NCSTN: variants seen among roughly 807,000 people sequenced by gnomAD.
The protein encoded by NCSTN is anterior pharynx-defective 2.
Under a neutral mutation model 87.0 loss-of-function variants are expected in NCSTN, and 22 were observed. The observed-to-expected ratio is 0.25, with a 90% CI of 0.18 to 0.36. NCSTN has a LOEUF of 0.36. NCSTN is among the 10% of genes least tolerant of loss of function. The pLI is 1.00. For synonymous variants in NCSTN, 306 were observed against 327.1 expected (o/e 0.94, Z 0.69); for missense variants, 693 against 883.3 (o/e 0.78, Z 2.73).
Position 160,349,625 on chromosome 1 carries a change from G to A in NCSTN, c.391G>A (p.Ala131Thr). The A allele has an allele frequency of 1.2e-6, 2 of 1,614,136 alleles. No individual in the cohort carries two copies. The highest frequency in any genetic ancestry group is 1.7e-4 in the Middle Eastern group (1 of 6,054). Residue 131 changes from alanine (A) to threonine (T), a missense_variant, in exon 4 of 17, where the codon GCC (alanine) becomes ACC (threonine). Around this residue, in one of 4 missense-constraint regions of NCSTN, gnomAD observed 235 missense variants for 233.9 expected, o/e 1.00. Transcript: ENST00000294785. ...LAVSLTKPSPASGFSPSVQCP... is the reference protein window; with the variant it reads ...LAVSLTKPSPTSGFSPSVQCP... ...AGTGTCCTTGACCAAGCCCAGTCCT[G>A]CCTCAGGCTTCTCTCCTAGTGTACA...
At chr1:160,345,655 C>T (rs2101891323) in intron 2 of NCSTN, among the ~76,000 whole-genome samples, 1 of 151,904 alleles carries the variant, frequency 6.6e-6, no homozygotes, top group East Asian at 2.0e-4. Context: ...GCCAAATAGG[C>T]TGGGCGCAGT....
At chr1:160,343,957 T>A in intron 1 of NCSTN, 1 of 200,342 alleles carries the variant, frequency 5.0e-6, no homozygotes, top group Admixed American at 6.5e-5. Context: ...GCCTCAGGTT[T>A]TTTTTTTTTT....
chr1:160,349,736 G>A lies in NCSTN; in HGVS notation c.436+66G>A, dbSNP rs772024279. The A allele has an allele frequency of 9.0e-5, 143 of 1,583,730 alleles. 1 individual carries two copies. The Middle Eastern group carries it at 2.4e-3, about 27-fold the overall frequency. Reference sequence around the variant, plus strand: ...AGGCTCACTGTTGCTTCGGTCTTACGTCTTTGTGAGGGATGTATATGTGTT... The same window carrying A: ...AGGCTCACTGTTGCTTCGGTCTTACATCTTTGTGAGGGATGTATATGTGTT... On this transcript the variant is annotated intron_variant, in intron 4 of 16. Transcript: ENST00000294785.
rs1648680384 is a variant in NCSTN, at chr1:160,349,015, C to G, written c.207C>G (p.Asp69Glu). ...QIGCQSSISG[D>E]TGVIHVVEKE... is the part of the protein sequence containing the mutation. ...TCCTGGCAGCTTCAATTAGTGGAGA[C>G]ACAGGGGTTATCCACGTAGTAGAGA... is the stretch of plus-strand genomic sequence containing the variant. Residue 69 changes from aspartate (D) to glutamate (E), a missense_variant, in exon 3 of 17, where the codon GAC becomes GAG. This residue lies in a region of NCSTN where 235 missense variants were observed against 233.9 expected (regional missense o/e 1.00). Transcript: ENST00000294785. 6.2e-7 allele frequency: 1 copy of G among 1,614,186 alleles called. No individual in the cohort carries two copies. The highest frequency in any genetic ancestry group is 8.5e-7 in the Non-Finnish European group (1 of 1,180,010).
At chr1:160,349,991 A>G in intron 4 of NCSTN, 114 bp from the exon 5 acceptor site, 1 of 1,314,700 alleles carries the variant, frequency 7.6e-7, no homozygotes, top group South Asian at 1.2e-5. Flanking sequence ...TCTTTGAGTC[A>G]CCACCTCCTT....
intron 4 of NCSTN, 36 bp downstream of exon 4, chr1:160,349,706 A>C: frequency 6.2e-7 from 1 of 1,611,832 alleles, no homozygotes; most frequent in Non-Finnish European, 8.5e-7. Context: ...GCCTACTGTC[A>C]CCTAAGGCTC....
intron 11 of NCSTN, 107 bp from the exon 12 acceptor site, chr1:160,355,545 TCTG>T (rs1649082988): frequency 1.2e-6 from 1 of 827,930 alleles, no homozygotes; most frequent in Admixed American, 1.8e-5. Flanking sequence ...ACCCCTTTCT[TCTG>T]ATGCTGAAAA....
At chr1:160,355,588 T>G in intron 11 of NCSTN, 67 bp from the exon 12 acceptor site, 9 of 1,142,574 alleles carry the variant, frequency 7.9e-6, no homozygotes, top group Non-Finnish European at 1.2e-5. Flanking sequence ...ATAAGGAGCA[T>G]TTGAGGGAGG....
Position 160,344,744 on chromosome 1 carries a change from G to A in NCSTN, c.108G>A (p.Val36=), listed in dbSNP as rs199910329. The A allele has an allele frequency of 2.4e-5, 38 of 1,614,018 alleles. No homozygotes were observed. Among genetic ancestry groups the A allele is most frequent in the Non-Finnish European group, 2.9e-5 (34 of 1,179,994 alleles). ...LLAGLCRGNS[V]ERKIYIPLNK... ...CAGGTTTGTGCAGGGGAAACTCAGT[G>A]GAGAGGAAGATATATATCCCCTTAA... The change falls in exon 2 of 17, where the codon GTG becomes GTA. Residue 36 remains valine, a synonymous_variant. Transcript: ENST00000294785.
At chr1:160,344,555 T>A (rs1455244476) in intron 1 of NCSTN, 167 bp from the exon 2 acceptor site, 1 of 1,550,846 alleles carries the variant, frequency 6.4e-7, no homozygotes, top group Non-Finnish European at 8.7e-7. Context: ...AACATGTATC[T>A]GTTACGATAA....
intron 2 of NCSTN, 63 bp from the exon 3 acceptor site, chr1:160,348,936 A>G: frequency 6.2e-7 from 1 of 1,609,498 alleles, no homozygotes; most frequent in Non-Finnish European, 8.5e-7. Flanking sequence ...ACGCAGAATC[A>G]GTGAGGCAAA....
At chr1:160,352,306 T>C in intron 8 of NCSTN, 100 bp downstream of exon 8, 4 of 1,462,172 alleles carry the variant, frequency 2.7e-6, no homozygotes, top group Admixed American at 3.5e-5. Flanking sequence ...TTGACCTAAG[T>C]TGTTAACCAG....
rs761219542 is a variant in NCSTN, at chr1:160,357,086, A to G, written c.1840A>G (p.Thr614Ala). Residue 614 changes from threonine to alanine, a missense_variant, in exon 16 of 17, where the codon ACG (threonine) becomes GCG (alanine). Thr to Ala is a moderately conservative substitution (Grantham distance 58). Transcript: ENST00000294785. ...WVQGPLHSNETDRLPRCVRST... is the reference protein window; with the variant it reads ...WVQGPLHSNEADRLPRCVRST... The stretch of plus-strand genomic sequence containing the variant: ...CCAGGGCCCTTTGCATTCTAATGAG[A>G]CGGACCGACTCCCCCGGTGTGTGCG... 2 of 1,613,948 alleles carry G rather than the reference A, an allele frequency of 1.2e-6. No homozygotes were observed. Among genetic ancestry groups the G allele is most frequent in the South Asian group, 1.1e-5 (1 of 91,064 alleles).
In NCSTN at chr1:160,351,359, C is replaced by A; in HGVS notation, c.720C>A (p.Phe240Leu). 6.2e-7 allele frequency: 1 copy of A among 1,614,204 alleles called. No individual in the cohort carries two copies. Among genetic ancestry groups the A allele is most frequent in the Non-Finnish European group, 8.5e-7 (1 of 1,180,044 alleles). Reference protein sequence around the residue: ...CMRRSSIQSTFSINPEIVCDP... With the variant: ...CMRRSSIQSTLSINPEIVCDP... ...GGCGCAGCTCCATCCAAAGCACCTT[C>A]AGCATCAACCCAGGTAGGGCAGATC... The change falls in exon 6 of 17, where the codon TTC becomes TTA. Residue 240 changes from phenylalanine to leucine, a missense_variant. By Grantham distance (22) the Phe-to-Leu change is conservative. Transcript: ENST00000294785.
In NCSTN at chr1:160,358,321, T is replaced by G. The variant is rs776694581; in HGVS notation, c.*50T>G. ...GCTCAGCAGTTCACTTCCTAGAGCA[T>G]CTGTCCCACTGGGACACAACCACTA... On this transcript the variant is annotated 3_prime_UTR_variant, in exon 17 of 17. Coordinates refer to ENST00000294785, the MANE Select transcript of NCSTN (RefSeq NM_015331.3). 1 of 1,612,530 alleles carries G rather than the reference T, an allele frequency of 6.2e-7. No homozygotes were observed. Among genetic ancestry groups the G allele is most frequent in the Non-Finnish European group, 8.5e-7 (1 of 1,179,680 alleles).
intron 10 of NCSTN, 188 bp downstream of exon 10, chr1:160,353,425 A>G: frequency 1.3e-6 from 2 of 1,484,100 alleles, no homozygotes; most frequent in Non-Finnish European, 1.8e-6. Context: ...ACTCAGTGAC[A>G]TTCCATTGGT....
chr1:160,352,566 G>GAAC (rs1648914150), intron 8 of NCSTN, among the ~76,000 whole-genome samples: 1 of 152,204 alleles, frequency 6.6e-6, no homozygotes, highest in African/African-American at 2.4e-5. Context: ...CAGAATAAGG[G>GAAC]AACAGCATCT....
intron 6 of NCSTN, 142 bp from the exon 7 acceptor site, chr1:160,351,554 C>T (rs1048490842): frequency 6.5e-6 from 8 of 1,232,780 alleles, no homozygotes; most frequent in East Asian, 2.3e-5. Context: ...TGGATAGTGG[C>T]AGAGAAGCCA....
rs1243425689 is a variant in NCSTN, at chr1:160,349,017, CAG to C, written c.210_211del (p.Val72TyrfsTer16). On this transcript the variant is annotated frameshift_variant, in exon 3 of 17. Coordinates refer to ENST00000294785, the MANE Select transcript of NCSTN (RefSeq NM_015331.3). LOFTEE classifies it high-confidence loss of function. ...CTGGCAGCTTCAATTAGTGGAGACACAGGGGTTATCCACGTAGTAGAGAAAGA... is the reference window on the plus strand; with the variant it reads ...CTGGCAGCTTCAATTAGTGGAGACACGGGTTATCCACGTAGTAGAGAAAGA... The C allele has an allele frequency of 6.2e-7, 1 of 1,614,222 alleles. No individual in the cohort carries two copies.
Sources: allele counts gnomAD v4.1 joint callset (sites outside exome capture counted in the v4.1 genomes callset), GRCh38; gene constraint gnomAD v4.1.1; regional missense constraint gnomAD v4.1.1; transcripts MANE v1.5; gene names NCBI Gene and HGNC (gene_info 2026-07-23, HGNC 2026-07-21).